Variants in KIT observed in about 807,000 individuals in gnomAD.
KIT encodes mast/stem cell growth factor receptor Kit.
In KIT, 16 loss-of-function variants were observed where a neutral mutation model predicts 105.7. That is an observed-to-expected ratio of 0.15 (90% CI 0.10 to 0.23). The LOEUF is 0.23. Among genes scored for constraint, KIT ranks in the 10% least tolerant of loss-of-function variants. The pLI, the probability that KIT is intolerant of heterozygous loss-of-function variation, is 1.00. For missense variants in KIT, 858 were observed against 1,213.8 expected, an observed-to-expected ratio of 0.71 and a Z score of 4.36; for synonymous variants, 438 against 441.1, an observed-to-expected ratio of 0.99 and a Z score of 0.09.
At position 54,684,343 on chromosome 4, in the gene KIT, C is replaced by A. The variant is rs556853930; in HGVS notation, c.68-11169C>A. Among the ~76,000 whole-genome samples, 8 of 152,230 alleles carry A rather than the reference C, an allele frequency of 5.3e-5. No homozygotes were observed. In the East Asian group the frequency reaches 1.5e-3, roughly 29 times the overall value. The stretch of plus-strand genomic sequence containing the variant: ...ACATGTACCATGGGCTCCTTTGTAC[C>A]ACTGAGAGTCTCCTGAAAAGAGTAG... On this transcript the variant is annotated intron_variant, in intron 1 of 20. Coordinates refer to ENST00000288135, the MANE Select transcript of KIT (RefSeq NM_000222.3).
chr4:54,722,685 C>T (rs1461708592), intron 7 of KIT, among the ~76,000 whole-genome samples: 4 of 151,902 alleles, frequency 2.6e-5, no homozygotes, highest in African/African-American at 9.7e-5. Flanking sequence ...AGTGCATCTT[C>T]CTTTCACTTT....
chr4:54,667,126 C>T (rs1380616364), intron 1 of KIT, among the ~76,000 whole-genome samples: 1 of 152,184 alleles, frequency 6.6e-6, no homozygotes, highest in Admixed American at 6.5e-5. Context: ...TGAAGGACGG[C>T]TCCCAAAGTC....
At chr4:54,687,642 A>C (rs905381375) in intron 1 of KIT, among the ~76,000 whole-genome samples, 1 of 151,866 alleles carries the variant, frequency 6.6e-6, no homozygotes, top group African/African-American at 2.4e-5. Flanking sequence ...GGATTGTGAG[A>C]GCTCACAGTT....
At chr4:54,695,113 G>T (rs1232265703) in intron 1 of KIT, among the ~76,000 whole-genome samples, 1 of 152,270 alleles carries the variant, frequency 6.6e-6, no homozygotes, top group Admixed American at 6.5e-5. Context: ...AGAGTGACAG[G>T]CCAGTAGTTT....
chr4:54,728,507 G>C (rs1219254458), intron 13 of KIT, among the ~76,000 whole-genome samples: 1 of 152,138 alleles, frequency 6.6e-6, no homozygotes, highest in Admixed American at 6.5e-5. Flanking sequence ...TAAGCCTACT[G>C]GTTCTCAAAT....
At chr4:54,704,430 T>C (rs944652729) in intron 5 of KIT, among the ~76,000 whole-genome samples, 1 of 152,118 alleles carries the variant, frequency 6.6e-6, no homozygotes, top group Non-Finnish European at 1.5e-5. Flanking sequence ...AGCATAAACC[T>C]TCAGGAAGGA....
At position 54,733,202 on chromosome 4, in the gene KIT, C is replaced by T. The variant is rs913288010; in HGVS notation, c.2484+10C>T. 1 of 1,611,538 alleles carries T rather than the reference C, an allele frequency of 6.2e-7. No homozygotes were observed. The highest frequency in any genetic ancestry group is 8.5e-7 in the Non-Finnish European group (1 of 1,178,370). ...TGTGGTTAAAGGAAACGTGAGTACCCATTCTCTGCTTGACAGTCCTGCAAA... is the reference window on the plus strand; with the variant it reads ...TGTGGTTAAAGGAAACGTGAGTACCTATTCTCTGCTTGACAGTCCTGCAAA... On this transcript the variant is annotated intron_variant, in intron 17 of 20. Coordinates refer to ENST00000288135, the MANE Select transcript of KIT (RefSeq NM_000222.3).
intron 14 of KIT, among the ~76,000 whole-genome samples, chr4:54,730,152 A>G (rs1247264330): frequency 6.6e-6 from 1 of 152,196 alleles, no homozygotes; most frequent in East Asian, 1.9e-4. Flanking sequence ...AATTCTTCTC[A>G]TATCTTGCCT....
At position 54,659,847 on chromosome 4, in the gene KIT, AT is replaced by A. The variant is rs1577901802; in HGVS notation, c.67+1771del. Among the ~76,000 whole-genome samples, 4 of 152,036 alleles carry A rather than the reference AT, an allele frequency of 2.6e-5. No individual in the cohort carries two copies. The East Asian group carries it at 7.7e-4, about 29-fold the overall frequency. On this transcript the variant is annotated intron_variant, in intron 1 of 20. Transcript: ENST00000288135. ...TCAATGGTTTTCTTCTCCCCAATAG[AT>A]TTTTGGCAAAGGGAATTTTAAGGTC... is the stretch of plus-strand genomic sequence containing the variant.
chr4:54,732,045 ATTTTTTTTTTTTTTT>A (rs71662297), intron 16 of KIT, 47 bp downstream of exon 16: 2 of 888,854 alleles, frequency 2.3e-6, no homozygotes, highest in Admixed American at 3.4e-5. Flanking sequence ...TGTTTTTTTG[ATTTTTTTTTTTTTTT>A]TTTTTTTTTT....
chr4:54,724,968 G>A (rs1722128800), intron 8 of KIT, among the ~76,000 whole-genome samples: 2 of 152,178 alleles, frequency 1.3e-5, no homozygotes, highest in South Asian at 4.1e-4. Flanking sequence ...TTAGAATAGG[G>A]AAGTCGGGGT....
chr4:54,707,038 G>T, intron 5 of KIT, 60 bp from the exon 6 acceptor site: 1 of 964,080 alleles, frequency 1.0e-6, no homozygotes, highest in Non-Finnish European at 1.6e-6. Context: ...ATGAGGTTCT[G>T]TTTTTTTGTC....
At chr4:54,714,983 A>G (rs570078061) in intron 7 of KIT, among the ~76,000 whole-genome samples, 2 of 152,044 alleles carry the variant, frequency 1.3e-5, no homozygotes, top group Non-Finnish European at 1.5e-5. Context: ...CACCAATTTC[A>G]CTCCATTTAT....
chr4:54,674,563 T>G (rs1302594563), intron 1 of KIT, among the ~76,000 whole-genome samples: 1 of 152,200 alleles, frequency 6.6e-6, no homozygotes, highest in African/African-American at 2.4e-5. Context: ...ATATTGACAT[T>G]TTAACACAAA....
At chr4:54,723,769 A>G (rs990812965) in intron 8 of KIT, 71 bp downstream of exon 8, 4 of 976,966 alleles carry the variant, frequency 4.1e-6, no homozygotes, top group South Asian at 2.6e-5. Context: ...AATTTCAAAT[A>G]TGTTTTCTGA....
intron 1 of KIT, among the ~76,000 whole-genome samples, chr4:54,665,596 G>A (rs568866047): frequency 6.8e-4 from 103 of 152,248 alleles, no homozygotes; most frequent in African/African-American, 2.3e-3. Flanking sequence ...TGAGATTGAG[G>A]GGAAGGAGAA....
intron 7 of KIT, among the ~76,000 whole-genome samples, chr4:54,717,077 C>A (rs1721547991): frequency 6.6e-6 from 1 of 152,126 alleles, no homozygotes; most frequent in Non-Finnish European, 1.5e-5. Context: ...TTTTTGTTCT[C>A]AAATTGCTTG....
intron 5 of KIT, 113 bp downstream of exon 5, chr4:54,704,005 A>G (rs1720625790): frequency 2.1e-6 from 2 of 949,422 alleles, no homozygotes; most frequent in Non-Finnish European, 3.4e-6. Flanking sequence ...GAATTTTGTT[A>G]TCACTGAATG....
Position 54,658,050 on chromosome 4 carries a change from C to T in KIT, c.36C>T (p.Cys12=), listed in dbSNP as rs1716942038. 6.2e-7 allele frequency: 1 copy of T among 1,613,780 alleles called. No homozygotes were observed. Among genetic ancestry groups the T allele is most frequent in the Non-Finnish European group, 8.5e-7 (1 of 1,179,854 alleles). Residue 12 remains cysteine (C), a synonymous_variant, in exon 1 of 21, where the codon TGC becomes TGT. Transcript: ENST00000288135. ...CTCGCGGCGCCTGGGATTTTCTCTG[C>T]GTTCTGCTCCTACTGCTTCGCGTCC... ...RGARGAWDFL[C]VLLLLLRVQT...
Sources: allele counts gnomAD v4.1 joint callset (sites outside exome capture counted in the v4.1 genomes callset), GRCh38; gene constraint gnomAD v4.1.1; transcripts MANE v1.5; gene names NCBI Gene and HGNC (gene_info 2026-07-23, HGNC 2026-07-21).